The following GRID2 variants were observed in gnomAD, a reference collection of about 807,000 sequenced individuals.
GRID2 encodes glutamate ionotropic receptor delta type subunit 2, also known as glutamate receptor ionotropic, delta-2.
In GRID2, 33 loss-of-function variants were observed where a neutral mutation model predicts 114.8. That is an observed-to-expected ratio of 0.29 (90% CI 0.22 to 0.38). The LOEUF (loss-of-function observed/expected upper bound fraction) is 0.38. Ranked by LOEUF, GRID2 falls within the 10% of genes least tolerant of loss-of-function variation. GRID2 has a pLI of 1.00. For missense variants in GRID2, 1,184 were observed against 1,257.7 expected (o/e 0.94, Z 0.89); for synonymous variants, 505 against 449.9 (o/e 1.12, Z -1.55).
At chr4:93,808,697 C>A (rs10024195) in exon 2 of GRID2, 1 of 151,958 alleles carries the variant, frequency 6.6e-6, no homozygotes. Context: ...TACCACTGGA[C>A]CTGGATATCA....
At chr4:92,884,671 A>T (rs1297956079) in intron 2 of GRID2, 5 of 178,554 alleles carry the variant, frequency 2.8e-5, no homozygotes, top group Admixed American at 6.1e-5. Flanking sequence ...CCTATTGAAC[A>T]TTGAAACTCT....
intron 4 of GRID2, among the ~76,000 whole-genome samples, chr4:93,195,188 T>C (rs1741367330): frequency 6.6e-6 from 1 of 152,172 alleles, no homozygotes; most frequent in East Asian, 1.9e-4. Context: ...CTGACTCAGT[T>C]TGAGTTACTG....
chr4:93,722,207 C>T (rs988300009), intron 14 of GRID2, among the ~76,000 whole-genome samples: 7 of 151,970 alleles, frequency 4.6e-5, no homozygotes, highest in South Asian at 2.1e-4. Flanking sequence ...TGAGCCACCA[C>T]GCCCGGCCAA....
At chr4:93,606,845 T>A (rs993220588) in intron 13 of GRID2, among the ~76,000 whole-genome samples, 1 of 152,170 alleles carries the variant, frequency 6.6e-6, no homozygotes, top group African/African-American at 2.4e-5. Context: ...AAGCTAACTA[T>A]TATTTTACTG....
chr4:93,700,556 G>T (rs1322499421), intron 14 of GRID2, among the ~76,000 whole-genome samples: 1 of 152,028 alleles, frequency 6.6e-6, no homozygotes, highest in Admixed American at 6.6e-5. Flanking sequence ...CTTTACAAAG[G>T]TTTGATTATA....
At chr4:93,246,593 A>T (rs1157377229) in intron 8 of GRID2, among the ~76,000 whole-genome samples, 1 of 151,644 alleles carries the variant, frequency 6.6e-6, no homozygotes, top group Non-Finnish European at 1.5e-5. Flanking sequence ...TCTCAAAAAA[A>T]AAAAAAGAAA....
In GRID2 at chr4:93,773,193, C is replaced by T. The variant is rs925920422; in HGVS notation, c.*695C>T. On this transcript the variant is annotated 3_prime_UTR_variant, in exon 16 of 16. Transcript: ENST00000282020. Reference sequence around the variant, plus strand: ...GTAAACTTTATCATATGGCAGAAGCCTCTATTGTGTTAAATAAATTAGTAT... The same window carrying T: ...GTAAACTTTATCATATGGCAGAAGCTTCTATTGTGTTAAATAAATTAGTAT... The T allele has an allele frequency of 2.0e-5, 3 of 152,018 alleles. No homozygotes were observed. Among genetic ancestry groups the T allele is most frequent in the African/African-American group, 7.2e-5 (3 of 41,398 alleles). 9.4% of individuals were successfully genotyped at this position (152,018 alleles called of 1,614,324 possible). A position where few individuals can be genotyped will look rare whatever the true frequency, so the allele number is the denominator to read the frequency against.
chr4:93,493,141 T>A (rs1272117052), intron 12 of GRID2, among the ~76,000 whole-genome samples: 3 of 152,050 alleles, frequency 2.0e-5, no homozygotes, highest in East Asian at 3.9e-4. Context: ...TTATCAATTA[T>A]GTTGAATGTG....
At chr4:93,810,171 T>C (rs1230820057), downstream of GRID2, 1 of 152,178 alleles carries the variant, frequency 6.6e-6, no homozygotes, top group African/African-American at 2.4e-5. Context: ...GCCTTTCTTG[T>C]AAGTTGCGAT....
chr4:92,604,297 G>A (rs1012506471), intron 2 of GRID2, among the ~76,000 whole-genome samples: 5 of 151,972 alleles, frequency 3.3e-5, no homozygotes, highest in East Asian at 1.9e-4. Context: ...CCAAATGACC[G>A]TCAATGATAA....
intron 2 of GRID2, among the ~76,000 whole-genome samples, chr4:92,721,598 A>G (rs1006785191): frequency 6.6e-6 from 1 of 152,170 alleles, no homozygotes; most frequent in African/African-American, 2.4e-5. Flanking sequence ...ATCTAAATCA[A>G]CTATATAAGG....
At chr4:93,645,904 G>A (rs1159490691) in intron 14 of GRID2, among the ~76,000 whole-genome samples, 2 of 152,124 alleles carry the variant, frequency 1.3e-5, no homozygotes, top group Non-Finnish European at 2.9e-5. Flanking sequence ...CCATAATAAA[G>A]TAGGTGTTCA....
rs115235569 is a variant in GRID2, at chr4:93,129,788, T to A, written c.735+18835T>A. 2.3e-3 allele frequency among the ~76,000 whole-genome samples: 338 copies of A among 148,958 alleles called. 3 individuals carry two copies. The highest frequency in any genetic ancestry group is 8.2e-3 in the African/African-American group (327 of 39,780). On this transcript the variant is annotated intron_variant, in intron 4 of 15. Coordinates refer to ENST00000282020, the MANE Select transcript of GRID2 (RefSeq NM_001510.4). ...CACATGGAACCTGGCAGGGTGTATC[T>A]CAAAGTCATGTCTCCATTTAGACCT...
intron 3 of GRID2, among the ~76,000 whole-genome samples, chr4:93,087,635 G>T (rs1329744825): frequency 6.6e-6 from 1 of 152,090 alleles, no homozygotes; most frequent in Non-Finnish European, 1.5e-5. Flanking sequence ...TGGGTCATTT[G>T]TTAGATCTGA....
At chr4:93,386,320 A>T (rs1579910365) in intron 8 of GRID2, among the ~76,000 whole-genome samples, 1 of 152,312 alleles carries the variant, frequency 6.6e-6, no homozygotes, top group East Asian at 1.9e-4. Context: ...TAGCATAATT[A>T]TAATCATATC....
chr4:93,681,406 T>C (rs1725520928), intron 14 of GRID2, among the ~76,000 whole-genome samples: 1 of 151,436 alleles, frequency 6.6e-6, no homozygotes, highest in African/African-American at 2.4e-5. Context: ...AATGACTTTC[T>C]TCACAGAATT....
At position 92,455,389 on chromosome 4, in the gene GRID2, AC is replaced by A. The variant is rs1304563832; in HGVS notation, c.89-134739del. Among the ~76,000 whole-genome samples the A allele has an allele frequency of 3.9e-5, 6 of 152,182 alleles. No individual in the cohort carries two copies. The South Asian group carries it at 1.2e-3, about 32-fold the overall frequency. On this transcript the variant is annotated intron_variant, in intron 1 of 15. Coordinates refer to ENST00000282020, the MANE Select transcript of GRID2 (RefSeq NM_001510.4). The stretch of plus-strand genomic sequence containing the variant: ...TCTAATACTCTGTATACCCCAAACG[AC>A]CCACCAGAGTATCAATTATGTGAAT...
chr4:93,077,219 A>T (rs943255179), intron 2 of GRID2, among the ~76,000 whole-genome samples: 1 of 152,204 alleles, frequency 6.6e-6, no homozygotes, highest in Non-Finnish European at 1.5e-5. Context: ...TTATGTGATA[A>T]CCAAGTTGAG....
chr4:93,589,884 A>T (rs1310637223), intron 13 of GRID2, among the ~76,000 whole-genome samples: 3 of 151,354 alleles, frequency 2.0e-5, no homozygotes, highest in Admixed American at 1.3e-4. Context: ...TCCTTTGCCC[A>T]CTTGTTGATG....
Sources: gnomAD v4.1 joint callset for allele counts (sites outside exome capture counted in the v4.1 genomes callset) on GRCh38, gnomAD v4.1.1 for gene constraint, MANE v1.5 for transcripts, NCBI Gene and HGNC (gene_info 2026-07-23, HGNC 2026-07-21) for gene names.